AP2B1: variants seen among roughly 807,000 people sequenced by gnomAD.
AP2B1 encodes the protein adaptor related protein complex 2 subunit beta 1, also known as AP-2 complex subunit beta.
AP2B1 carries 23 observed loss-of-function variants against 102.0 expected under a neutral mutation model. The observed-to-expected ratio is 0.23, with a 90% CI of 0.16 to 0.32. The LOEUF is 0.32. AP2B1 is among the 10% of genes least tolerant of loss of function. The probability of loss-of-function intolerance (pLI) is 1.00; values close to 1 mark genes in which losing one functional copy is unlikely to be tolerated. For missense variants in AP2B1, 541 were observed against 1,157.4 expected, an observed-to-expected ratio of 0.47 and a Z score of 7.73; for synonymous variants, 381 against 421.2, an observed-to-expected ratio of 0.90 and a Z score of 1.17.
chr17:35,621,873 T>G (rs1189962791), intron 5 of AP2B1, among the ~76,000 whole-genome samples: 2 of 152,246 alleles, frequency 1.3e-5, no homozygotes, highest in Non-Finnish European at 2.9e-5. Flanking sequence ...TTTTTGTTTT[T>G]TTAAACATGA....
intron 1 of AP2B1, chr17:35,587,690 T>G (rs1177158211): frequency 6.6e-6 from 1 of 152,114 alleles, no homozygotes; most frequent in African/African-American, 2.4e-5. Flanking sequence ...GGGGAAGATG[T>G]GTTTCGGAAT....
intron 20 of AP2B1, among the ~76,000 whole-genome samples, chr17:35,715,849 C>CTA (rs1555589628): frequency 6.6e-6 from 1 of 152,152 alleles, no homozygotes; most frequent in Non-Finnish European, 1.5e-5. Flanking sequence ...TAAGTAATAA[C>CTA]TAAGTGTGGT....
At chr17:35,616,116 A>G (rs1292072833) in intron 5 of AP2B1, among the ~76,000 whole-genome samples, 2 of 109,790 alleles carry the variant, frequency 1.8e-5, no homozygotes, top group East Asian at 2.4e-4. Flanking sequence ...TTATATTATT[A>G]TGAACTTAGG....
In AP2B1 at chr17:35,639,772, T is replaced by C; in HGVS notation, c.1437+12T>C. 11 of 1,612,102 alleles carry C rather than the reference T, an allele frequency of 6.8e-6. No homozygotes were observed. The highest frequency in any genetic ancestry group is 9.3e-6 in the Non-Finnish European group (11 of 1,178,870). ...ATGAAAGCACCCAGGTAAGTTCTTG[T>C]CTCTTGTCTATCCTAGTAGTTTTAG... On this transcript the variant is annotated intron_variant, in intron 11 of 21. Coordinates refer to ENST00000610402, the MANE Select transcript of AP2B1 (RefSeq NM_001030006.2).
intron 21 of AP2B1, among the ~76,000 whole-genome samples, chr17:35,723,120 A>G (rs781963575): frequency 1.1e-4 from 17 of 152,182 alleles, no homozygotes; most frequent in Admixed American, 2.0e-4. Context: ...TCTCCTCATT[A>G]TAATACAGAA....
At chr17:35,686,527 T>C (rs28398778) in intron 18 of AP2B1, among the ~76,000 whole-genome samples, 3,245 of 152,308 alleles carry the variant, frequency 0.021, 121 homozygotes, top group African/African-American at 0.07. Context: ...ATGGTCTTTA[T>C]GTAGATGCTG....
At chr17:35,593,711 C>T (rs896345626) in intron 1 of AP2B1, among the ~76,000 whole-genome samples, 1 of 152,108 alleles carries the variant, frequency 6.6e-6, no homozygotes, top group Non-Finnish European at 1.5e-5. Context: ...TAAAAAGGTC[C>T]AGCTTTAGCT....
At chr17:35,672,416 G>A (rs8071584) in intron 16 of AP2B1, among the ~76,000 whole-genome samples, 132,312 of 152,244 alleles carry the variant, frequency 0.87, 57,893 homozygotes, top group East Asian at 0.97. Flanking sequence ...TCACATTGAA[G>A]TTCAAGAGGG....
chr17:35,668,271 A>G (rs1277374102), intron 14 of AP2B1, among the ~76,000 whole-genome samples: 2 of 151,966 alleles, frequency 1.3e-5, no homozygotes, highest in Non-Finnish European at 2.9e-5. Context: ...TTTTATTCAC[A>G]AGTTCCAAAG....
intron 20 of AP2B1, among the ~76,000 whole-genome samples, chr17:35,714,581 C>T (rs949364580): frequency 2.6e-5 from 4 of 152,116 alleles, no homozygotes; most frequent in Non-Finnish European, 4.4e-5. Context: ...CTCAGTGGCT[C>T]ACACCTGTAA....
chr17:35,612,242 A>C (rs1276956935), intron 5 of AP2B1, among the ~76,000 whole-genome samples: 1 of 152,176 alleles, frequency 6.6e-6, no homozygotes, highest in Non-Finnish European at 1.5e-5. Flanking sequence ...GAAGACACTC[A>C]TTCTCAGGTG....
intron 14 of AP2B1, among the ~76,000 whole-genome samples, chr17:35,667,224 T>C (rs891749345): frequency 1.3e-5 from 2 of 152,232 alleles, no homozygotes; most frequent in Admixed American, 1.3e-4. Flanking sequence ...GAGAGTAGGA[T>C]AATCTCCATT....
At chr17:35,678,398 G>T (rs891239319) in intron 17 of AP2B1, among the ~76,000 whole-genome samples, 2 of 151,682 alleles carry the variant, frequency 1.3e-5, no homozygotes, top group African/African-American at 4.8e-5. Flanking sequence ...TTGTCTGATT[G>T]TACTAACAGG....
intron 14 of AP2B1, among the ~76,000 whole-genome samples, chr17:35,664,586 G>C (rs1001614691): frequency 6.6e-6 from 1 of 152,036 alleles, no homozygotes; most frequent in Non-Finnish European, 1.5e-5. Flanking sequence ...AATACTGCCA[G>C]TAGCCATATA....
chr17:35,710,141 C>T, intron 19 of AP2B1, 93 bp from the exon 20 acceptor site: 1 of 860,640 alleles, frequency 1.2e-6, no homozygotes, highest in Non-Finnish European at 1.9e-6. Flanking sequence ...TTGCAAGAGC[C>T]AGCATGCCAA....
intron 14 of AP2B1, among the ~76,000 whole-genome samples, chr17:35,660,871 T>C (rs1005243510): frequency 1.3e-5 from 2 of 152,228 alleles, no homozygotes; most frequent in African/African-American, 2.4e-5. Context: ...AAGAAACTTA[T>C]TAAATTATTT....
intron 18 of AP2B1, among the ~76,000 whole-genome samples, chr17:35,683,090 C>T (rs929188226): frequency 2.6e-5 from 4 of 152,116 alleles, no homozygotes; most frequent in African/African-American, 9.7e-5. Context: ...GTTGGCCAGG[C>T]TGGTCTCGAA....
In AP2B1 at chr17:35,726,236, GTGTC is replaced by G. The variant is rs2085514198; in HGVS notation, c.*2541_*2544del. ...GTCTGTCCTCACCCAAGCCTGCTCT[GTGTC>G]TGTGTTGTGAAGCTTGAGACTCTGG... is the stretch of plus-strand genomic sequence containing the variant. On this transcript the variant is annotated 3_prime_UTR_variant, in exon 22 of 22. Transcript: ENST00000610402. 6.6e-6 allele frequency: 1 copy of G among 151,640 alleles called. No homozygotes were observed. Among genetic ancestry groups the G allele is most frequent in the Non-Finnish European group, 1.5e-5 (1 of 67,990 alleles). The allele number at this position is 151,640 out of a possible 1,614,324, so 9.4% of individuals were successfully genotyped here.
chr17:35,650,854 T>G (rs1451584840), intron 13 of AP2B1, 65 bp downstream of exon 13: 15 of 1,543,344 alleles, frequency 9.7e-6, no homozygotes, highest in Non-Finnish European at 1.3e-5. Flanking sequence ...TGCTCTTCTT[T>G]ATGCTTTTAT....
Sources: allele counts gnomAD v4.1 joint callset (sites outside exome capture counted in the v4.1 genomes callset), GRCh38; gene constraint gnomAD v4.1.1; transcripts MANE v1.5; gene names NCBI Gene and HGNC (gene_info 2026-07-23, HGNC 2026-07-21).